The following CHRM3 variants were observed in gnomAD, a reference collection of about 807,000 sequenced individuals.
CHRM3 encodes the protein muscarinic acetylcholine receptor M3.
In CHRM3, 11 loss-of-function variants were observed where a neutral mutation model predicts 41.8. The observed-to-expected ratio is 0.26, with a 90% CI of 0.17 to 0.44. CHRM3 has a LOEUF of 0.44. Ranked by LOEUF, CHRM3 falls within the 20% of genes least tolerant of loss-of-function variation. The pLI, the probability that CHRM3 is intolerant of heterozygous loss-of-function variation, is 1.00. For missense variants in CHRM3, 571 were observed against 745.4 expected, an observed-to-expected ratio of 0.77 and a Z score of 2.72; for synonymous variants, 297 against 301.4, an observed-to-expected ratio of 0.99 and a Z score of 0.15.
chr1:239,453,002 G>A (rs530232545), intron 1 of CHRM3, among the ~76,000 whole-genome samples: 153 of 152,128 alleles, frequency 1.0e-3, no homozygotes, highest in African/African-American at 3.6e-3. Context: ...GGGTTTCACT[G>A]TGTTAGCCAG....
At chr1:239,874,326 T>TATATATATATAC (rs1327295792) in intron 6 of CHRM3, among the ~76,000 whole-genome samples, 15 of 121,982 alleles carry the variant, frequency 1.2e-4, no homozygotes, top group African/African-American at 3.1e-4. Flanking sequence ...TATATATATA[T>TATATATATATAC]ACACAGTTGA....
In CHRM3 at chr1:239,866,100, G is replaced by A. The variant is rs1393735206; in HGVS notation, c.-20+38722G>A. ...AGTGATTAAAAAGCTTGCCCAGGCC[G>A]GGCACGGTGGCTCACGCCTGCAATC... is the stretch of plus-strand genomic sequence containing the variant. On this transcript the variant is annotated intron_variant, in intron 6 of 6. Coordinates refer to ENST00000676153, the MANE Select transcript of CHRM3 (RefSeq NM_001375978.1). Among the ~76,000 whole-genome samples the A allele has an allele frequency of 2.6e-5, 4 of 152,158 alleles. No individual in the cohort carries two copies. In the South Asian group the frequency reaches 8.3e-4, roughly 32 times the overall value.
intron 5 of CHRM3, among the ~76,000 whole-genome samples, chr1:239,682,023 G>A (rs561838239): frequency 9.9e-5 from 15 of 152,270 alleles, no homozygotes; most frequent in Middle Eastern, 3.4e-3. Flanking sequence ...TAATATGCCC[G>A]TGCAGGGCTG....
chr1:239,759,346 A>C (rs1666542387), intron 5 of CHRM3, among the ~76,000 whole-genome samples: 1 of 151,100 alleles, frequency 6.6e-6, no homozygotes, highest in South Asian at 2.1e-4. Context: ...ATTATCTGTT[A>C]AATTTTACCT....
chr1:239,803,729 G>C (rs983100200), intron 5 of CHRM3, among the ~76,000 whole-genome samples: 1 of 152,164 alleles, frequency 6.6e-6, no homozygotes. Flanking sequence ...AAGGCAGGGG[G>C]TAGGTGATCA....
intron 3 of CHRM3, among the ~76,000 whole-genome samples, chr1:239,620,267 A>C (rs999121032): frequency 2.0e-5 from 3 of 152,146 alleles, no homozygotes; most frequent in Non-Finnish European, 4.4e-5. Context: ...CTCAAAATAC[A>C]TTTTTCAAGG....
intron 3 of CHRM3, among the ~76,000 whole-genome samples, chr1:239,602,621 TA>T (rs1364347252): frequency 6.6e-6 from 1 of 151,950 alleles, no homozygotes; most frequent in Non-Finnish European, 1.5e-5. Flanking sequence ...AGAAACACTT[TA>T]CTAAGCATCT....
chr1:239,618,806 T>C lies in CHRM3; in HGVS notation c.-312-13418T>C, dbSNP rs1269346873. 1.5e-4 allele frequency among the ~76,000 whole-genome samples: 20 copies of C among 132,210 alleles called. No individual in the cohort carries two copies. The East Asian group carries it at 4.3e-3, about 28-fold the overall frequency. 86.7% of individuals were successfully genotyped at this position (132,210 alleles called of 152,430 possible). A position where few individuals can be genotyped will look rare whatever the true frequency, so the allele number is the denominator to read the frequency against. ...TTGCAGTGAGCCGAGATCGCGCCCC[T>C]GCACTCCAGCCTGGGAGACAGAGCG... On this transcript the variant is annotated intron_variant, in intron 3 of 6. Transcript: ENST00000676153.
intron 4 of CHRM3, among the ~76,000 whole-genome samples, chr1:239,670,851 T>C (rs916837759): frequency 6.6e-6 from 1 of 152,178 alleles, no homozygotes; most frequent in South Asian, 2.1e-4. Flanking sequence ...ATAGTTTCTG[T>C]GAACTTCATA....
rs1680076083 is a variant in CHRM3 at position 239,907,602 on chromosome 1, T to C, written c.151T>C (p.Ser51Pro). Reference protein sequence around the residue: ...NVSRAAGNFSSPDGTTDDPLG... With the variant: ...NVSRAAGNFSPPDGTTDDPLG... ...TTCTCGAGCAGCTGGCAATTTCTCCTCTCCAGACGGTACCACCGATGACCC... is the reference window on the plus strand; with the variant it reads ...TTCTCGAGCAGCTGGCAATTTCTCCCCTCCAGACGGTACCACCGATGACCC... Residue 51 changes from serine (S) to proline (P), a missense_variant, in exon 7 of 7, where the codon TCT (serine) becomes CCT (proline). Ser to Pro is a moderately conservative substitution (Grantham distance 74, BLOSUM62 -1). This residue lies in a region of CHRM3 where 92 missense variants were observed against 76.1 expected (regional missense o/e 1.21). Coordinates refer to ENST00000676153, the MANE Select transcript of CHRM3 (RefSeq NM_001375978.1). The surrounding 1 kb of genome is among the most constrained non-coding windows in gnomAD (Gnocchi z 5.4). The C allele has an allele frequency of 6.2e-7, 1 of 1,614,080 alleles. No homozygotes were observed.
chr1:239,744,681 C>T (rs560548862), intron 5 of CHRM3, among the ~76,000 whole-genome samples: 11 of 152,136 alleles, frequency 7.2e-5, no homozygotes, highest in South Asian at 2.1e-4. Flanking sequence ...TTTCATTTTA[C>T]GTGCTCATTG....
chr1:239,693,632 A>G (rs191331238), intron 5 of CHRM3, among the ~76,000 whole-genome samples: 186 of 152,328 alleles, frequency 1.2e-3, no homozygotes, highest in South Asian at 3.5e-3. Flanking sequence ...AAGAAACCTT[A>G]GAAATTGGAT....
intron 1 of CHRM3, among the ~76,000 whole-genome samples, chr1:239,468,345 G>A (rs1447576213): frequency 1.3e-5 from 2 of 151,988 alleles, no homozygotes; most frequent in Admixed American, 6.6e-5. Context: ...CTTTACTCTT[G>A]GAATATGTTT....
In CHRM3 at chr1:239,914,259, G is replaced by T. The variant is rs1005454057; in HGVS notation, c.*5035G>T. On this transcript the variant is annotated 3_prime_UTR_variant, in exon 7 of 7. Coordinates refer to ENST00000676153, the MANE Select transcript of CHRM3 (RefSeq NM_001375978.1). ...TGTGAGTTCCTTGATGATAGTAATTGGGTCTTATTCATCACTCTGTATCCT... is the reference window on the plus strand; with the variant it reads ...TGTGAGTTCCTTGATGATAGTAATTTGGTCTTATTCATCACTCTGTATCCT... 6.0e-6 allele frequency: 1 copy of T among 167,104 alleles called. No individual in the cohort carries two copies. Among genetic ancestry groups the T allele is most frequent in the Non-Finnish European group, 1.5e-5 (1 of 68,106 alleles). 10.4% of individuals were successfully genotyped at this position (167,104 alleles called of 1,614,324 possible). A position where few individuals can be genotyped will look rare whatever the true frequency, so the allele number is the denominator to read the frequency against.
At chr1:239,483,991 T>G (rs1308803353) in intron 1 of CHRM3, among the ~76,000 whole-genome samples, 1 of 152,222 alleles carries the variant, frequency 6.6e-6, no homozygotes, top group Non-Finnish European at 1.5e-5. Context: ...TTGAAAAACA[T>G]AATGCTATTA....
intron 6 of CHRM3, among the ~76,000 whole-genome samples, chr1:239,858,611 A>G (rs1161322020): frequency 6.6e-6 from 1 of 151,992 alleles, no homozygotes; most frequent in Admixed American, 6.6e-5. Context: ...AATTTATATA[A>G]CGTAAAATTA....
chr1:239,604,310 A>C (rs10925927), intron 3 of CHRM3, among the ~76,000 whole-genome samples: 121,498 of 139,662 alleles, frequency 0.87, 52,026 homozygotes, highest in Non-Finnish European at 0.93. Flanking sequence ...TTTAACTGAC[A>C]ATCTGAAAAA....
intron 3 of CHRM3, among the ~76,000 whole-genome samples, chr1:239,577,378 AAATAAGATGTTCAGGGAC>A (rs1489011437): frequency 1.3e-5 from 2 of 152,224 alleles, no homozygotes; most frequent in Non-Finnish European, 2.9e-5. Flanking sequence ...CAATAAGGGA[AAATAAGATGTTCAGGGAC>A]AATAAGATGT....
intron 5 of CHRM3, among the ~76,000 whole-genome samples, chr1:239,722,420 A>G (rs908891976): frequency 2.6e-5 from 4 of 151,920 alleles, no homozygotes; most frequent in Non-Finnish European, 5.9e-5. Context: ...TATTTTTGCT[A>G]CCTTAAAAAG....
Sources: allele counts gnomAD v4.1 joint callset (sites outside exome capture counted in the v4.1 genomes callset), GRCh38; gene constraint gnomAD v4.1.1; regional missense constraint gnomAD v4.1.1; non-coding constraint Gnocchi (gnomAD v3.1); transcripts MANE v1.5; gene names NCBI Gene and HGNC (gene_info 2026-07-23, HGNC 2026-07-21).